The following PDE1C variants were observed in gnomAD, a reference collection of about 807,000 sequenced individuals.
The protein encoded by PDE1C is dual specificity calcium/calmodulin-dependent 3',5'-cyclic nucleotide phosphodiesterase 1C.
A neutral mutation model predicts 93.1 loss-of-function variants in PDE1C; 62 were observed. The observed-to-expected ratio is 0.67, with a 90% confidence interval of 0.54 to 0.82. PDE1C has a LOEUF of 0.82. PDE1C is among the 40% of genes least tolerant of loss of function. The pLI is 0.00. For synonymous variants in PDE1C, 325 were observed against 310.1 expected (o/e 1.05, Z -0.50); for missense variants, 742 against 884.6 (o/e 0.84, Z 2.04).
exon 1 of PDE1C, chr7:32,299,123 A>C (rs215609): frequency 1 from 1,024,502 of 1,027,650 alleles, 510,754 homozygotes; most frequent in Non-Finnish European, 1. Flanking sequence ...GCCACAGGAA[A>C]GTCTGTTTTC....
intron 1 of PDE1C, among the ~76,000 whole-genome samples, chr7:32,057,210 A>T (rs1779482375): frequency 6.6e-6 from 1 of 152,230 alleles, no homozygotes; most frequent in Admixed American, 6.5e-5. Flanking sequence ...ACACATCCTT[A>T]AGCAGTCTCA....
chr7:31,894,725 T>C (rs1173711838), intron 2 of PDE1C, among the ~76,000 whole-genome samples: 1 of 152,184 alleles, frequency 6.6e-6, no homozygotes, highest in South Asian at 2.1e-4. Context: ...TTCCGCCTAG[T>C]GCAGAGATTT....
chr7:32,271,579 T>C (rs1810969129), intron 1 of PDE1C, among the ~76,000 whole-genome samples: 1 of 152,138 alleles, frequency 6.6e-6, no homozygotes, highest in Non-Finnish European at 1.5e-5. Flanking sequence ...GCAGATTAGT[T>C]AGTAGAAATT....
At chr7:31,714,951 A>G in the PDE1C span, among the ~76,000 whole-genome samples, 1 of 152,142 alleles carries the variant, frequency 6.6e-6, no homozygotes, top group African/African-American at 2.4e-5. Flanking sequence ...TATAAGAGGT[A>G]TGGGGCAGGG....
chr7:32,119,900 C>T (rs1472426657), intron 3 of PDE1C, among the ~76,000 whole-genome samples: 1 of 152,350 alleles, frequency 6.6e-6, no homozygotes, highest in East Asian at 1.9e-4. Flanking sequence ...AGCACCACAG[C>T]TGTGGCTGCC....
intron 1 of PDE1C, among the ~76,000 whole-genome samples, chr7:32,338,603 C>T (rs957757114): frequency 6.6e-6 from 1 of 152,146 alleles, no homozygotes; most frequent in South Asian, 2.1e-4. Context: ...CATAGAATTA[C>T]CATACGATCC....
At chr7:31,977,513 A>C (rs1811821114) in intron 2 of PDE1C, among the ~76,000 whole-genome samples, 1 of 152,176 alleles carries the variant, frequency 6.6e-6, no homozygotes, top group Non-Finnish European at 1.5e-5. Flanking sequence ...CTTTGAATTT[A>C]CTATAGTTCT....
At chr7:31,952,967 G>A (rs928244900) in intron 2 of PDE1C, among the ~76,000 whole-genome samples, 3 of 151,902 alleles carry the variant, frequency 2.0e-5, no homozygotes, top group African/African-American at 7.3e-5. Context: ...CTAGAAACAT[G>A]GATGAGCCTG....
chr7:32,129,380 T>C (rs1287304956), intron 3 of PDE1C, among the ~76,000 whole-genome samples: 1 of 124,054 alleles, frequency 8.1e-6, no homozygotes, highest in African/African-American at 3.9e-5. Flanking sequence ...TGATTATATC[T>C]GGGTATTGGA....
At chr7:32,347,881 G>A (rs183347) in intron 1 of PDE1C, among the ~76,000 whole-genome samples, 121,810 of 152,228 alleles carry the variant, frequency 0.8, 49,101 homozygotes, top group Admixed American at 0.85. Context: ...CAGAGGACCC[G>A]ACTATGCTGT....
intron 1 of PDE1C, among the ~76,000 whole-genome samples, chr7:32,249,520 G>A (rs1187229033): frequency 1.3e-5 from 2 of 152,122 alleles, no homozygotes; most frequent in African/African-American, 4.8e-5. Context: ...CAGTAAAAAG[G>A]CTGTTCATGC....
chr7:32,402,603 T>C (rs1784971324), intron 1 of PDE1C, among the ~76,000 whole-genome samples: 1 of 152,130 alleles, frequency 6.6e-6, no homozygotes, highest in South Asian at 2.1e-4. Flanking sequence ...CAAATGCCAA[T>C]CTCTTTCAGA....
chr7:31,950,405 G>A (rs549783218), intron 2 of PDE1C, among the ~76,000 whole-genome samples: 37 of 152,196 alleles, frequency 2.4e-4, no homozygotes, highest in Middle Eastern at 3.4e-3. Flanking sequence ...AGACCATCTC[G>A]ATTTCAATAA....
At chr7:31,745,737 G>T in the PDE1C span, among the ~76,000 whole-genome samples, 2 of 152,152 alleles carry the variant, frequency 1.3e-5, no homozygotes, top group Non-Finnish European at 1.5e-5. Context: ...GAAGGTAGGT[G>T]GTGCAAAATA....
intron 16 of PDE1C, among the ~76,000 whole-genome samples, chr7:31,803,968 GC>G (rs1234586437): frequency 6.6e-6 from 1 of 151,904 alleles, no homozygotes. Context: ...CTAAGGAATT[GC>G]CACACTGACT....
At chr7:31,818,334 A>T (rs1788520858) in intron 14 of PDE1C, among the ~76,000 whole-genome samples, 1 of 152,190 alleles carries the variant, frequency 6.6e-6, no homozygotes. Flanking sequence ...ATGCAGGACC[A>T]CAAAAGGTTC....
intron 2 of PDE1C, among the ~76,000 whole-genome samples, chr7:31,921,747 T>C (rs1802650077): frequency 6.6e-6 from 1 of 152,220 alleles, no homozygotes; most frequent in Non-Finnish European, 1.5e-5. Flanking sequence ...ACCAGATATC[T>C]ATTTTTAAAT....
chr7:31,787,583 C>G (rs554635753), intron 16 of PDE1C: 1 of 152,052 alleles, frequency 6.6e-6, no homozygotes, highest in Admixed American at 6.6e-5. Flanking sequence ...ACGTGTAGAG[C>G]GCATGGTTTC....
At chr7:32,295,080 G>A (rs1812547798) in intron 1 of PDE1C, among the ~76,000 whole-genome samples, 1 of 152,216 alleles carries the variant, frequency 6.6e-6, no homozygotes, top group African/African-American at 2.4e-5. Context: ...ATGGGACTGA[G>A]GGAGCCCAGT....
Sources: allele counts gnomAD v4.1 joint callset (sites outside exome capture counted in the v4.1 genomes callset), GRCh38; gene constraint gnomAD v4.1.1; transcripts MANE v1.5; gene names NCBI Gene and HGNC (gene_info 2026-07-23, HGNC 2026-07-21).